The following TSBP1 variants were observed in gnomAD, a reference collection of about 807,000 sequenced individuals.
TSBP1 encodes the protein testis expressed basic protein 1.
Under a neutral mutation model 68.8 loss-of-function variants are expected in TSBP1, and 56 were observed. The observed-to-expected ratio is 0.81, with a 90% CI of 0.66 to 1.02. The LOEUF (loss-of-function observed/expected upper bound fraction) is 1.02, where lower values mean the gene tolerates loss of function less well. TSBP1 is among the 50% of genes least tolerant of loss of function. The probability of loss-of-function intolerance (pLI) is 0.00; values close to 1 mark genes in which losing one functional copy is unlikely to be tolerated. For missense variants in TSBP1, 502 were observed against 641.2 expected (o/e 0.78, Z 2.34); for synonymous variants, 171 against 208.7 (o/e 0.82, Z 1.56).
intron 19 of TSBP1, among the ~76,000 whole-genome samples, chr6:32,309,732 A>C (rs113136355): frequency 0.05 from 7,441 of 149,728 alleles, 325 homozygotes; most frequent in Non-Finnish European, 0.061. Flanking sequence ...AGCATTTATC[A>C]TTTCTTTGTG....
At chr6:32,327,964 A>ATT (rs771332320) in intron 16 of TSBP1, among the ~76,000 whole-genome samples, 8,633 of 135,968 alleles carry the variant, frequency 0.063, 317 homozygotes, top group East Asian at 0.13. Context: ...ACTTATTATT[A>ATT]TTTTTTTTTT....
rs557854858 is a variant in TSBP1, at chr6:32,330,591, T to C, written c.512A>G (p.Asn171Ser). 44 of 1,607,860 alleles carry C rather than the reference T, an allele frequency of 2.7e-5. 1 individual carries two copies. In the South Asian group the frequency reaches 3.5e-4, roughly 13 times the overall value. ...AGAAGGATAGATAAGGTACTTACCATTGGATCCAGGATATTGTACTAAAAA... is the reference window on the plus strand; with the variant it reads ...AGAAGGATAGATAAGGTACTTACCACTGGATCCAGGATATTGTACTAAAAA... Residue 171 changes from asparagine (N) to serine (S), a missense_variant and splice_region_variant, in exon 16 of 23, where the codon AAT becomes AGT. Coordinates refer to ENST00000612031, the Ensembl canonical transcript of TSBP1.
At chr6:32,364,457 A>G (rs563312819) in intron 6 of TSBP1, among the ~76,000 whole-genome samples, 1 of 64,984 alleles carries the variant, frequency 1.5e-5, no homozygotes, top group South Asian at 6.7e-4. Context: ...ATTTTAAATG[A>G]TTGGTCTTTG....
intron 9 of TSBP1, among the ~76,000 whole-genome samples, chr6:32,341,144 A>T (rs1178445124): frequency 1.3e-5 from 2 of 152,190 alleles, no homozygotes; most frequent in Non-Finnish European, 2.9e-5. Context: ...TCCCAGCTGA[A>T]GACAAATAAG....
In TSBP1 at chr6:32,292,998, TG is replaced by T. The variant is rs1764303709; in HGVS notation, c.1674del (p.Asn558LysfsTer15). The T allele has an allele frequency of 1.3e-6, 2 of 1,595,278 alleles. No individual in the cohort carries two copies. The highest frequency in any genetic ancestry group is 2.7e-5 in the African/African-American group (2 of 73,534). On this transcript the variant is annotated frameshift_variant, in exon 23 of 23. Transcript: ENST00000612031. LOFTEE classifies it high-confidence loss of function. This position sits in a 1 kb window ranked among gnomAD's most constrained non-coding sequence, Gnocchi z 4.1. ...ATTTATCCTTACTCTTCCACTTTTTTGTTGTACTTCCTTCCTGTATTTGCCT... is the reference window on the plus strand; with the variant it reads ...ATTTATCCTTACTCTTCCACTTTTTTTTGTACTTCCTTCCTGTATTTGCCT...
intron 18 of TSBP1, among the ~76,000 whole-genome samples, chr6:32,317,410 T>A (rs1197723739): frequency 1.3e-5 from 2 of 152,144 alleles, no homozygotes; most frequent in African/African-American, 4.8e-5. Flanking sequence ...AAAAATTTCA[T>A]GATGAAGACA....
At chr6:32,354,229 G>A (rs1198414853) in intron 8 of TSBP1, among the ~76,000 whole-genome samples, 2 of 151,782 alleles carry the variant, frequency 1.3e-5, no homozygotes, top group African/African-American at 4.8e-5. Context: ...TAATAATAAA[G>A]AATTACTACA....
In TSBP1 at chr6:32,294,041, C is replaced by T; in HGVS notation, c.638-6G>A. On this transcript the variant is annotated splice_region_variant and splice_polypyrimidine_tract_variant and intron_variant, in intron 22 of 22. Coordinates refer to ENST00000612031, the Ensembl canonical transcript of TSBP1. Reference sequence around the variant, plus strand: ...CATGTAACCTGTTAATATAACTGAGCATACAACAAAAGGGCGTGATTTAGA... The same window carrying T: ...CATGTAACCTGTTAATATAACTGAGTATACAACAAAAGGGCGTGATTTAGA... 2 of 1,605,384 alleles carry T rather than the reference C, an allele frequency of 1.2e-6. No homozygotes were observed. Among genetic ancestry groups the T allele is most frequent in the Non-Finnish European group, 1.7e-6 (2 of 1,178,690 alleles).
chr6:32,294,929 C>G (rs1031024765), intron 22 of TSBP1, among the ~76,000 whole-genome samples: 1 of 151,878 alleles, frequency 6.6e-6, no homozygotes, highest in African/African-American at 2.4e-5. Flanking sequence ...AATATCTGAG[C>G]CACCAAGGAA....
chr6:32,324,766 G>C (rs1361386773), intron 16 of TSBP1: 3 of 1,516,200 alleles, frequency 2.0e-6, no homozygotes, highest in African/African-American at 2.8e-5. Context: ...ATTTACTAGT[G>C]ATATACTTGC....
intron 20 of TSBP1, among the ~76,000 whole-genome samples, chr6:32,301,724 AG>A (rs1008892264): frequency 7.0e-6 from 1 of 143,456 alleles, no homozygotes; most frequent in African/African-American, 2.6e-5. Flanking sequence ...AAAAAAAAAA[AG>A]CACAGAATAA....
In TSBP1 at chr6:32,341,296, A is replaced by T. The variant is rs140557233; in HGVS notation, c.350-1658T>A. Among the ~76,000 whole-genome samples, 1,066 of 152,272 alleles carry T rather than the reference A, an allele frequency of 7.0e-3. 19 individuals carry two copies. Among genetic ancestry groups the T allele is most frequent in the East Asian group, 0.02 (102 of 5,184 alleles). On this transcript the variant is annotated intron_variant, in intron 9 of 22. Transcript: ENST00000612031. Reference sequence around the variant, plus strand: ...ATTGTCTCTGTGGATATTCTTCCTAATGGGAGCATCAGAGTTAGTTCTTTT... The same window carrying T: ...ATTGTCTCTGTGGATATTCTTCCTATTGGGAGCATCAGAGTTAGTTCTTTT...
Position 32,338,840 on chromosome 6 carries a change from G to T in TSBP1, c.409+139C>A. 1.4e-6 allele frequency: 1 copy of T among 736,290 alleles called. No homozygotes were observed. Among genetic ancestry groups the T allele is most frequent in the Non-Finnish European group, 2.4e-6 (1 of 414,834 alleles). 45.6% of individuals were successfully genotyped at this position (736,290 alleles called of 1,614,324 possible). On this transcript the variant is annotated intron_variant, in intron 11 of 22. Transcript: ENST00000612031. This position sits in a 1 kb window ranked among gnomAD's most constrained non-coding sequence, Gnocchi z 5.5. ...GAGGCACCCCAGTTTATTAAGATAAGAATAGGGAATAAACAAGGGGAAAGG... is the reference window on the plus strand; with the variant it reads ...GAGGCACCCCAGTTTATTAAGATAATAATAGGGAATAAACAAGGGGAAAGG...
chr6:32,355,649 T>C (rs1262190853), exon 7 of TSBP1: 2 of 1,590,594 alleles, frequency 1.3e-6, no homozygotes, highest in Non-Finnish European at 1.7e-6. Flanking sequence ...TAATACTTAC[T>C]GTAATCTCTT....
chr6:32,301,958 AAATCATCATCATAAT>A (rs1396963205), intron 20 of TSBP1, among the ~76,000 whole-genome samples: 6 of 127,362 alleles, frequency 4.7e-5, no homozygotes, highest in African/African-American at 2.0e-4. Flanking sequence ...TAAATAGTTG[AAATCATCATCATAAT>A]AATAATAATA....
At chr6:32,339,738 G>A in intron 9 of TSBP1, 100 bp from the exon 11 acceptor site, 2 of 598,358 alleles carry the variant, frequency 3.3e-6, no homozygotes, top group Non-Finnish European at 6.1e-6. Context: ...CTCAGGTGTG[G>A]TACAAACAGT....
At chr6:32,348,924 A>G (rs984035329) in intron 9 of TSBP1, among the ~76,000 whole-genome samples, 4 of 152,178 alleles carry the variant, frequency 2.6e-5, no homozygotes, top group Admixed American at 1.3e-4. Context: ...ATTGCCAGCT[A>G]AAACCATTTT....
In TSBP1 at chr6:32,308,308, C is replaced by A. The variant is rs1765975643; in HGVS notation, c.581-5679G>T. On this transcript the variant is annotated intron_variant, in intron 19 of 22. Coordinates refer to ENST00000612031, the Ensembl canonical transcript of TSBP1. ...AAGCAACATATTTAGACTTTTTTAA[C>A]CCTCATTTAAAAAAATTTGCTTTTT... is the stretch of plus-strand genomic sequence containing the variant. 2.7e-5 allele frequency among the ~76,000 whole-genome samples: 4 copies of A among 150,220 alleles called. 1 individual carries two copies. The highest frequency in any genetic ancestry group is 6.6e-5 in the Admixed American group (1 of 15,186).
chr6:32,334,049 G>T, intron 14 of TSBP1: 1 of 200,354 alleles, frequency 5.0e-6, no homozygotes, highest in Non-Finnish European at 1.1e-5. Flanking sequence ...CTGCCCTCTT[G>T]ACATAAGTTA....
Sources: gnomAD v4.1 joint callset for allele counts (sites outside exome capture counted in the v4.1 genomes callset) on GRCh38, gnomAD v4.1.1 for gene constraint, Gnocchi (gnomAD v3.1) non-coding constraint, MANE v1.5 for transcripts, NCBI Gene and HGNC (gene_info 2026-07-23, HGNC 2026-07-21) for gene names.